Variants in JADE3 observed in about 807,000 individuals in gnomAD.
JADE3 encodes the protein protein Jade-3.
In JADE3, 2 loss-of-function variants were observed where a neutral mutation model predicts 50.1. The observed-to-expected ratio is 0.04, with a 90% CI of 0.02 to 0.13. The LOEUF (loss-of-function observed/expected upper bound fraction) is 0.13, where lower values mean the gene tolerates loss of function less well. JADE3 is among the 10% of genes least tolerant of loss of function. JADE3 has a pLI of 1.00. For missense variants in JADE3, 475 were observed against 634.4 expected, an observed-to-expected ratio of 0.75 and a Z score of 2.70; for synonymous variants, 218 against 232.9, an observed-to-expected ratio of 0.94 and a Z score of 0.58.
At chrX:46,970,271 C>T (rs1288603244) in intron 1 of JADE3, among the ~76,000 whole-genome samples, 4 of 111,823 alleles carry the variant, frequency 3.6e-5, no homozygotes, top group Non-Finnish European at 7.5e-5. Context: ...AATTTGTTGC[C>T]ATTTCATTTT....
intron 1 of JADE3, among the ~76,000 whole-genome samples, chrX:46,951,447 C>T (rs1330932090): frequency 1.9e-5 from 2 of 107,315 alleles, no homozygotes; most frequent in Non-Finnish European, 3.9e-5. Context: ...ATTAGCCAGG[C>T]ATGGTGGCAT....
intron 1 of JADE3, among the ~76,000 whole-genome samples, chrX:46,921,890 G>A (rs1258363735): frequency 9.4e-6 from 1 of 106,413 alleles, no homozygotes; most frequent in Non-Finnish European, 1.9e-5. Context: ...CCTGGCTTAC[G>A]TGATTTCTGA....
chrX:46,990,605 G>A (rs1302008604), intron 3 of JADE3, among the ~76,000 whole-genome samples: 1 of 111,200 alleles, frequency 9.0e-6, no homozygotes, highest in Non-Finnish European at 1.9e-5. Context: ...ATTATTGCTG[G>A]GAGAGAGTGA....
chrX:46,973,336 A>C (rs1055803472), intron 1 of JADE3, among the ~76,000 whole-genome samples: 1 of 112,221 alleles, frequency 8.9e-6, no homozygotes, highest in Non-Finnish European at 1.9e-5. Flanking sequence ...TCATCTGGTC[A>C]CAAGATTCAT....
At chrX:46,997,540 G>A (rs1458649634) in intron 3 of JADE3, among the ~76,000 whole-genome samples, 1 of 110,845 alleles carries the variant, frequency 9.0e-6, no homozygotes, top group African/African-American at 3.3e-5. Context: ...TTAAATTCTG[G>A]AACAGAAAGA....
intron 4 of JADE3, among the ~76,000 whole-genome samples, chrX:47,003,534 A>G (rs1928333521): frequency 9.5e-6 from 1 of 105,335 alleles, no homozygotes; most frequent in Non-Finnish European, 1.9e-5. Context: ...ATGTATTTTT[A>G]TGTCTTATTT....
At chrX:46,932,543 A>G (rs781788522) in intron 1 of JADE3, among the ~76,000 whole-genome samples, 1 of 112,439 alleles carries the variant, frequency 8.9e-6, no homozygotes, top group East Asian at 2.8e-4. Flanking sequence ...ACATGTGTTC[A>G]GTCTACATTT....
chrX:47,002,921 T>A (rs2147139762), intron 4 of JADE3, among the ~76,000 whole-genome samples: 1 of 111,607 alleles, frequency 9.0e-6, no homozygotes, highest in African/African-American at 3.2e-5. Context: ...TTAAGTATGA[T>A]ATTAACTATA....
chrX:46,990,708 T>C (rs937919577), intron 3 of JADE3, among the ~76,000 whole-genome samples: 5 of 111,666 alleles, frequency 4.5e-5, no homozygotes, highest in African/African-American at 1.3e-4. Context: ...AATATAATTC[T>C]TGTAGCATAC....
intron 4 of JADE3, among the ~76,000 whole-genome samples, chrX:47,011,191 T>C (rs1928557988): frequency 8.9e-6 from 1 of 112,781 alleles, no homozygotes; most frequent in Non-Finnish European, 1.9e-5. Context: ...CTGCTTTCTG[T>C]TCTTATGGAA....
Position 46,951,362 on chromosome X carries a change from A to G in JADE3, c.-11-33522A>G, listed in dbSNP as rs1556344978. On this transcript the variant is annotated intron_variant, in intron 1 of 10. Coordinates refer to ENST00000614628, the MANE Select transcript of JADE3 (RefSeq NM_014735.5). ...AGCACTTTGGGAGGCCGAGGCAGGC[A>G]GATCACTTGAGGTCAGGAGTTCGAG... Among the ~76,000 whole-genome samples the G allele has an allele frequency of 7.0e-3, 652 of 92,940 alleles. 3 individuals carry two copies. Among genetic ancestry groups the G allele is most frequent in the African/African-American group, 0.013 (355 of 26,302 alleles). The allele number at this position is 92,940 out of a possible 115,157, so 80.7% of individuals were successfully genotyped here.
chrX:46,975,902 T>G (rs1256760100), intron 1 of JADE3, among the ~76,000 whole-genome samples: 1 of 107,773 alleles, frequency 9.3e-6, no homozygotes, highest in African/African-American at 3.4e-5. Context: ...GTATTTTTAG[T>G]AGAGACGCGG....
chrX:47,027,639 G>A (rs927290491), intron 5 of JADE3, among the ~76,000 whole-genome samples: 3 of 111,947 alleles, frequency 2.7e-5, no homozygotes, highest in Admixed American at 9.5e-5. Context: ...AAATCGAAAG[G>A]GTCAGTAATA....
chrX:46,979,700 A>G (rs1556352460), intron 1 of JADE3, among the ~76,000 whole-genome samples: 1 of 110,461 alleles, frequency 9.1e-6, no homozygotes, highest in Non-Finnish European at 1.9e-5. Context: ...GTTTCTCTAC[A>G]CTTTCTCCAT....
chrX:46,956,803 C>T (rs5905577), intron 1 of JADE3, among the ~76,000 whole-genome samples: 20,403 of 96,122 alleles, frequency 0.21, 1,988 homozygotes, highest in East Asian at 0.39. Flanking sequence ...CCTTCCCCTT[C>T]CCCTCCCCTC....
intron 1 of JADE3, among the ~76,000 whole-genome samples, chrX:46,940,883 G>C (rs945864116): frequency 4.5e-5 from 5 of 111,663 alleles, no homozygotes; most frequent in Middle Eastern, 4.2e-3. Context: ...GCTTAGTTGG[G>C]TCACCTAAGA....
chrX:47,054,703 A>T (rs1483747716), intron 9 of JADE3, 75 bp downstream of exon 9: 1 of 588,273 alleles, frequency 1.7e-6, no homozygotes, highest in Non-Finnish European at 2.6e-6. Context: ...TGGTTTAATA[A>T]TGGTCAGTCA....
chrX:46,971,204 C>T (rs1379609807), intron 1 of JADE3, among the ~76,000 whole-genome samples: 1 of 101,592 alleles, frequency 9.8e-6, no homozygotes, highest in Non-Finnish European at 2.0e-5. Context: ...CAACCTCTGC[C>T]TCCTGGGTTC....
chrX:47,038,758 A>C (rs1486311382), intron 7 of JADE3, among the ~76,000 whole-genome samples, 191 bp from the exon 8 acceptor site: 1 of 110,890 alleles, frequency 9.0e-6, no homozygotes, highest in Non-Finnish European at 1.9e-5. Flanking sequence ...TATTTACATT[A>C]CTGGAAATGA....
Sources: gnomAD v4.1 joint callset for allele counts (sites outside exome capture counted in the v4.1 genomes callset) on GRCh38, gnomAD v4.1.1 for gene constraint, MANE v1.5 for transcripts, NCBI Gene and HGNC (gene_info 2026-07-23, HGNC 2026-07-21) for gene names.